The following ROBO1 variants were observed in gnomAD, a reference collection of about 807,000 sequenced individuals.
ROBO1 encodes roundabout homolog 1.
ROBO1 carries 149 observed loss-of-function variants against 195.9 expected under a neutral mutation model. That is an observed-to-expected ratio of 0.76 (90% CI 0.67 to 0.87). The LOEUF (loss-of-function observed/expected upper bound fraction) is 0.87. Ranked by LOEUF, ROBO1 falls within the 40% of genes least tolerant of loss-of-function variation. ROBO1 has a pLI of 0.00. For synonymous variants in ROBO1, 816 were observed against 733.2 expected (o/e 1.11, Z -1.82); for missense variants, 1,933 against 2,068.3 (o/e 0.93, Z 1.27).
intron 2 of ROBO1, among the ~76,000 whole-genome samples, chr3:79,355,712 C>A (rs1346258242): frequency 6.6e-6 from 1 of 152,184 alleles, no homozygotes; most frequent in Non-Finnish European, 1.5e-5. Flanking sequence ...CCTCCAGGTT[C>A]ATCCATGTCG....
intron 16 of ROBO1, 197 bp downstream of exon 16, chr3:78,660,833 T>C: frequency 2.0e-6 from 1 of 498,880 alleles, no homozygotes; most frequent in Non-Finnish European, 3.5e-6. Context: ...AGGCCACTAT[T>C]GAAGCAAGTC....
chr3:79,210,594 A>G (rs1191647981), intron 2 of ROBO1, among the ~76,000 whole-genome samples: 2 of 152,174 alleles, frequency 1.3e-5, no homozygotes, highest in Non-Finnish European at 2.9e-5. Context: ...GAGAAAAGGA[A>G]GTCTCAAGGA....
chr3:79,625,426 A>AAAAAAAAAAAAAAAAAAAAAAAG (rs1945141766), intron 1 of ROBO1, among the ~76,000 whole-genome samples: 1 of 135,790 alleles, frequency 7.4e-6, no homozygotes, highest in Admixed American at 7.5e-5. Flanking sequence ...TTTTTTTGAA[A>AAAAAAAAAAAAAAAAAAAAAAAG]AAAAAAAAAA....
chr3:79,049,242 A>G (rs952002055), intron 3 of ROBO1, among the ~76,000 whole-genome samples: 2 of 152,158 alleles, frequency 1.3e-5, no homozygotes, highest in African/African-American at 2.4e-5. Context: ...CGAGAACTTC[A>G]TGATGCATTC....
intron 1 of ROBO1, among the ~76,000 whole-genome samples, chr3:79,684,474 G>A (rs1042759475): frequency 9.9e-5 from 15 of 151,886 alleles, no homozygotes; most frequent in Non-Finnish European, 1.9e-4. Flanking sequence ...TTTACAGGTG[G>A]TTTCCTTTTA....
chr3:79,127,763 G>C (rs1006915318), intron 2 of ROBO1, among the ~76,000 whole-genome samples: 1 of 152,134 alleles, frequency 6.6e-6, no homozygotes, highest in Non-Finnish European at 1.5e-5. Context: ...ATATAAAACA[G>C]ATTTCCACCT....
At chr3:79,370,837 GC>G (rs2036166435) in intron 2 of ROBO1, among the ~76,000 whole-genome samples, 2 of 150,228 alleles carry the variant, frequency 1.3e-5, no homozygotes, top group African/African-American at 4.9e-5. Context: ...CTCTCCCCTT[GC>G]CCCCCACCCC....
chr3:79,525,637 G>A (rs1468079126), intron 2 of ROBO1, among the ~76,000 whole-genome samples: 10 of 138,666 alleles, frequency 7.2e-5, no homozygotes, highest in East Asian at 6.3e-4. Context: ...GTGGAATCTC[G>A]CTCTGTCGCC....
chr3:79,230,705 A>G lies in ROBO1; in HGVS notation c.89-105166T>C, dbSNP rs184148986. 6.3e-4 allele frequency among the ~76,000 whole-genome samples: 96 copies of G among 152,166 alleles called. 1 individual carries two copies. The highest frequency in any genetic ancestry group is 2.6e-3 in the Admixed American group (39 of 15,254). On this transcript the variant is annotated intron_variant, in intron 2 of 30. Transcript: ENST00000464233. Reference sequence around the variant, plus strand: ...CTGAAAGCAATTTATAGATTCAATGATATTCCCATTAAACTACGATTGACA... The same window carrying G: ...CTGAAAGCAATTTATAGATTCAATGGTATTCCCATTAAACTACGATTGACA...
chr3:78,803,056 T>C (rs2084417235), intron 4 of ROBO1, among the ~76,000 whole-genome samples: 1 of 152,144 alleles, frequency 6.6e-6, no homozygotes, highest in Admixed American at 6.5e-5. Context: ...ATCTGTGCAA[T>C]CATCTAACTC....
chr3:79,527,369 T>TA (rs1941474830), intron 2 of ROBO1, among the ~76,000 whole-genome samples: 1 of 152,202 alleles, frequency 6.6e-6, no homozygotes, highest in Non-Finnish European at 1.5e-5. Flanking sequence ...TAGCACTAAA[T>TA]AATTTGCTAA....
At chr3:79,017,967 A>C (rs902344634) in intron 3 of ROBO1, among the ~76,000 whole-genome samples, 1 of 152,188 alleles carries the variant, frequency 6.6e-6, no homozygotes, top group Non-Finnish European at 1.5e-5. Context: ...GACTAGGCTC[A>C]GGAATCCTGG....
At chr3:78,682,613 TTA>T (rs567715446) in intron 10 of ROBO1, among the ~76,000 whole-genome samples, 1,711 of 147,632 alleles carry the variant, frequency 0.012, 12 homozygotes, top group Non-Finnish European at 0.017. Context: ...TATTTTTTGT[TTA>T]TATATATTTG....
chr3:78,686,120 T>C (rs1427062985), intron 9 of ROBO1, among the ~76,000 whole-genome samples: 1 of 152,178 alleles, frequency 6.6e-6, no homozygotes, highest in Non-Finnish European at 1.5e-5. Flanking sequence ...TGTCCATGCA[T>C]GTAAATATCT....
chr3:79,373,832 G>A (rs1051858626), intron 2 of ROBO1, among the ~76,000 whole-genome samples: 1 of 152,118 alleles, frequency 6.6e-6, no homozygotes, highest in Non-Finnish European at 1.5e-5. Flanking sequence ...GCAAAATTCA[G>A]CATTCTGGGT....
intron 2 of ROBO1, among the ~76,000 whole-genome samples, chr3:79,543,711 T>G (rs1017746555): frequency 3.9e-5 from 6 of 152,104 alleles, no homozygotes; most frequent in African/African-American, 1.2e-4. Flanking sequence ...TATTCAGATC[T>G]CACTTGTGAA....
chr3:79,697,099 T>G (rs959483493), intron 1 of ROBO1, among the ~76,000 whole-genome samples: 1 of 151,372 alleles, frequency 6.6e-6, no homozygotes, highest in Non-Finnish European at 1.5e-5. Flanking sequence ...CCTAACATGG[T>G]CCATATGGGT....
intron 2 of ROBO1, among the ~76,000 whole-genome samples, chr3:79,173,802 T>C (rs2081213192): frequency 1.3e-5 from 2 of 152,230 alleles, no homozygotes; most frequent in Non-Finnish European, 2.9e-5. Context: ...TGGTGGAGAC[T>C]TGGAGAACCT....
Position 79,729,135 on chromosome 3 carries a change from G to T in ROBO1, c.-51+38617C>A, listed in dbSNP as rs1703044243. Among the ~76,000 whole-genome samples, 3 of 152,042 alleles carry T rather than the reference G, an allele frequency of 2.0e-5. No individual in the cohort carries two copies. In the South Asian group the frequency reaches 6.2e-4, roughly 32 times the overall value. On this transcript the variant is annotated intron_variant, in intron 1 of 30. Coordinates refer to ENST00000464233, the MANE Select transcript of ROBO1 (RefSeq NM_002941.4). ...GTAATGTTCCTTGGTTTGAATATTT[G>T]TATTATGTTCATTTCATTTTCAATG... is the stretch of plus-strand genomic sequence containing the variant.
Sources: gnomAD v4.1 joint callset for allele counts (sites outside exome capture counted in the v4.1 genomes callset) on GRCh38, gnomAD v4.1.1 for gene constraint, MANE v1.5 for transcripts, NCBI Gene and HGNC (gene_info 2026-07-23, HGNC 2026-07-21) for gene names.